ERI1: variants seen among roughly 807,000 people sequenced by gnomAD.
ERI1 encodes the protein 3'-5' exoribonuclease 1.
In ERI1, 39 loss-of-function variants were observed where a neutral mutation model predicts 39.7. The ratio of observed to expected loss-of-function variants is 0.98; its 90% CI spans 0.76 to 1.28. ERI1 has a LOEUF of 1.28. ERI1 is among the 50% of genes most tolerant of loss of function. ERI1 has a pLI of 0.00. For missense variants in ERI1, 581 were observed against 416.9 expected (o/e 1.39, Z -3.43); for synonymous variants, 204 against 149.6 (o/e 1.36, Z -2.65).
rs4841086 is a variant in ERI1, at chr8:9,029,267, G to A, written c.808-525G>A. Among the ~76,000 whole-genome samples the A allele has an allele frequency of 3.9e-5, 6 of 152,208 alleles. No individual in the cohort carries two copies. The East Asian group carries it at 7.7e-4, about 20-fold the overall frequency. On this transcript the variant is annotated intron_variant, in intron 6 of 6. Coordinates refer to ENST00000250263, the MANE Select transcript of ERI1 (RefSeq NM_153332.4). ...AAATTAAAAAACTGCAGAGTTTTTA[G>A]ATGTCTGAGGATCCTGTCTGTATTT...
chr8:9,098,242 G>A (rs1261490173), intron 3 of ERI1, among the ~76,000 whole-genome samples: 1 of 152,128 alleles, frequency 6.6e-6, no homozygotes, highest in Non-Finnish European at 1.5e-5. Context: ...ATAATTGGCC[G>A]AGCGCAGTGG....
At chr8:9,009,111 G>T (rs1816391835) in intron 2 of ERI1, 2 of 455,700 alleles carry the variant, frequency 4.4e-6, no homozygotes, top group Admixed American at 2.4e-5. Flanking sequence ...GCTTACTCCT[G>T]GCTTGCGTGG....
Position 9,020,403 on chromosome 8 carries a change from A to C in ERI1, c.746A>C (p.Lys249Thr). Residue 249 changes from lysine to threonine, a missense_variant, in exon 6 of 7, where the codon AAA (lysine) becomes ACA (threonine). Coordinates refer to ENST00000250263, the MANE Select transcript of ERI1 (RefSeq NM_153332.4). ...ATTCAGTGTCAACTCAGCAGGCTCAAATACCCTCCTTTTGCGAAAAAGTGG... is the reference window on the plus strand; with the variant it reads ...ATTCAGTGTCAACTCAGCAGGCTCACATACCCTCCTTTTGCGAAAAAGTGG... Reference protein sequence around the residue: ...LNIQCQLSRLKYPPFAKKWIN... With the variant: ...LNIQCQLSRLTYPPFAKKWIN... 2 of 1,608,864 alleles carry C rather than the reference A, an allele frequency of 1.2e-6. No individual in the cohort carries two copies. The highest frequency in any genetic ancestry group is 1.7e-6 in the Non-Finnish European group (2 of 1,178,010).
chr8:9,003,125 C>G lies in ERI1; in HGVS notation c.62C>G (p.Ser21Trp). The G allele has an allele frequency of 3.2e-6, 4 of 1,245,706 alleles. No individual in the cohort carries two copies. The highest frequency in any genetic ancestry group is 4.0e-6 in the Non-Finnish European group (4 of 990,108). 77.2% of individuals were successfully genotyped at this position (1,245,706 alleles called of 1,614,324 possible). A position where few individuals can be genotyped will look rare whatever the true frequency, so the allele number is the denominator to read the frequency against. ...GEAVALALLESPRPEGGEEPP... is the reference protein window; with the variant it reads ...GEAVALALLEWPRPEGGEEPP... The stretch of plus-strand genomic sequence containing the variant: ...GCCGTGGCTCTCGCGCTGCTGGAGT[C>G]GCCGCGGCCGGAGGGCGGGGAGGAG... Residue 21 changes from serine (S) to tryptophan (W), a missense_variant, in exon 1 of 7, where the codon TCG (serine) becomes TGG (tryptophan). By Grantham distance (177) the Ser-to-Trp change is radical (BLOSUM62 -3). Coordinates refer to ENST00000250263, the MANE Select transcript of ERI1 (RefSeq NM_153332.4).
chr8:9,054,650 C>T (rs1798452142), intron 3 of ERI1, among the ~76,000 whole-genome samples: 1 of 152,256 alleles, frequency 6.6e-6, no homozygotes, highest in South Asian at 2.1e-4. Flanking sequence ...TTGGGCCAGG[C>T]ACCATGGCCC....
rs570339078 is a variant in ERI1 at position 9,027,799 on chromosome 8, A to G, written c.808-1993A>G. ...TTATTTCTAGACTCTCTTCGGTTTT[A>G]TTAGTTTGTATGTCTATACTAATAC... On this transcript the variant is annotated intron_variant, in intron 6 of 6. Coordinates refer to ENST00000250263, the MANE Select transcript of ERI1 (RefSeq NM_153332.4). Among the ~76,000 whole-genome samples, 28 of 152,232 alleles carry G rather than the reference A, an allele frequency of 1.8e-4. No individual in the cohort carries two copies. The East Asian group carries it at 5.4e-3, about 29-fold the overall frequency.
intron 3 of ERI1, among the ~76,000 whole-genome samples, chr8:9,087,963 C>G (rs1012744778): frequency 6.6e-6 from 1 of 152,210 alleles, no homozygotes; most frequent in African/African-American, 2.4e-5. Flanking sequence ...CAAACTGGGT[C>G]CAGTTGATCA....
At chr8:9,035,618 G>A (rs994901930), downstream of ERI1, among the ~76,000 whole-genome samples, 4 of 152,164 alleles carry the variant, frequency 2.6e-5, no homozygotes, top group African/African-American at 9.7e-5. Context: ...TGGTCATCCA[G>A]GAGTTCTGAT....
At chr8:9,029,662 G>A (rs1585235630) in intron 6 of ERI1, 130 bp from the exon 7 acceptor site, 2 of 1,083,002 alleles carry the variant, frequency 1.8e-6, no homozygotes, top group Admixed American at 2.3e-5. Context: ...TTGAGTGGGG[G>A]TATTGCCCTT....
intron 3 of ERI1, among the ~76,000 whole-genome samples, chr8:9,067,530 C>T (rs773873474): frequency 6.6e-6 from 1 of 151,712 alleles, no homozygotes; most frequent in East Asian, 1.9e-4. Context: ...TGGCATACAC[C>T]TATTGTCCTA....
intron 3 of ERI1, among the ~76,000 whole-genome samples, chr8:9,015,084 C>A (rs1177243030): frequency 6.6e-6 from 1 of 152,020 alleles, no homozygotes; most frequent in African/African-American, 2.4e-5. Context: ...TAATCCACCC[C>A]CCTTGGCCTC....
chr8:9,074,680 C>T (rs766165128), intron 3 of ERI1, among the ~76,000 whole-genome samples: 2 of 152,202 alleles, frequency 1.3e-5, no homozygotes, highest in Non-Finnish European at 1.5e-5. Context: ...GTGATCCTCC[C>T]GTCTTGGGCT....
intron 6 of ERI1, among the ~76,000 whole-genome samples, chr8:9,025,148 G>A (rs1010745956): frequency 6.6e-6 from 1 of 152,156 alleles, no homozygotes; most frequent in South Asian, 2.1e-4. Context: ...TCAGAGAAAG[G>A]ATCCCTTACC....
intron 3 of ERI1, among the ~76,000 whole-genome samples, chr8:9,040,726 G>GTT (rs1797988952): frequency 9.0e-6 from 1 of 111,170 alleles, no homozygotes; most frequent in African/African-American, 3.8e-5. Context: ...TATAGTGTGT[G>GTT]TGTGGGGGGG....
chr8:9,002,998 G>T lies in ERI1; in HGVS notation c.-66G>T. ...TCAACGGAGAAAGGCGAGGCTTTCG[G>T]GCTCTGCAGAGTGAGAGTTAGCAAG... On this transcript the variant is annotated 5_prime_UTR_variant, in exon 1 of 7. Transcript: ENST00000250263. 1 of 1,077,984 alleles carries T rather than the reference G, an allele frequency of 9.3e-7. No homozygotes were observed. 66.8% of individuals were successfully genotyped at this position (1,077,984 alleles called of 1,614,324 possible).
intron 3 of ERI1, among the ~76,000 whole-genome samples, chr8:9,048,083 G>C (rs148463707): frequency 1.3e-5 from 2 of 152,302 alleles, no homozygotes; most frequent in East Asian, 3.9e-4. Flanking sequence ...TTCTTGCATT[G>C]TCCTCTGGGA....
chr8:9,017,061 A>G (rs780728950), intron 4 of ERI1, among the ~76,000 whole-genome samples: 2 of 151,308 alleles, frequency 1.3e-5, no homozygotes, highest in Non-Finnish European at 2.9e-5. Context: ...TTTTTTTGAG[A>G]TGGAGTCTCA....
intron 3 of ERI1, among the ~76,000 whole-genome samples, chr8:9,078,101 C>T (rs1015276188): frequency 6.6e-6 from 1 of 152,184 alleles, no homozygotes; most frequent in African/African-American, 2.4e-5. Context: ...GTGATTCTCC[C>T]GCCTCAGCCT....
chr8:9,066,335 G>C (rs1798878048), intron 3 of ERI1, among the ~76,000 whole-genome samples: 1 of 152,206 alleles, frequency 6.6e-6, no homozygotes, highest in African/African-American at 2.4e-5. Flanking sequence ...GGTGTCCACA[G>C]ATGGATGTCT....
Sources: gnomAD v4.1 joint callset for allele counts (sites outside exome capture counted in the v4.1 genomes callset) on GRCh38, gnomAD v4.1.1 for gene constraint, MANE v1.5 for transcripts, NCBI Gene and HGNC (gene_info 2026-07-23, HGNC 2026-07-21) for gene names.